PTPRN2: variants seen among roughly 807,000 people sequenced by gnomAD.
PTPRN2 encodes the protein protein tyrosine phosphatase receptor type N2.
Under a neutral mutation model 118.8 loss-of-function variants are expected in PTPRN2, and 74 were observed. The ratio of observed to expected loss-of-function variants is 0.62; its 90% CI spans 0.52 to 0.76. The LOEUF is 0.76. PTPRN2 is among the 30% of genes least tolerant of loss of function. The pLI, the probability that PTPRN2 is intolerant of heterozygous loss-of-function variation, is 0.00. For missense variants in PTPRN2, 1,481 were observed against 1,394.4 expected (o/e 1.06, Z -0.99); for synonymous variants, 641 against 608.0 (o/e 1.05, Z -0.80).
intron 12 of PTPRN2, among the ~76,000 whole-genome samples, chr7:157,713,742 C>T (rs1472475519): frequency 6.6e-6 from 1 of 152,204 alleles, no homozygotes; most frequent in Non-Finnish European, 1.5e-5. Context: ...CTCAGACATT[C>T]CCGACAGCTG....
At chr7:158,216,087 C>T (rs1428629107) in intron 3 of PTPRN2, among the ~76,000 whole-genome samples, 2 of 151,970 alleles carry the variant, frequency 1.3e-5, no homozygotes, top group Non-Finnish European at 2.9e-5. Context: ...AAATGAGGGG[C>T]ATAAGTAAAA....
At chr7:158,482,835 A>G (rs1302788515) in intron 2 of PTPRN2, among the ~76,000 whole-genome samples, 2 of 152,180 alleles carry the variant, frequency 1.3e-5, no homozygotes, top group East Asian at 1.9e-4. Flanking sequence ...GTTTATATAG[A>G]CTGGATTCAG....
At chr7:158,336,173 C>T (rs1212297058) in intron 2 of PTPRN2, among the ~76,000 whole-genome samples, 2 of 35,248 alleles carry the variant, frequency 5.7e-5, no homozygotes, top group Admixed American at 2.9e-4. Flanking sequence ...TAAGAGCTGT[C>T]GCCCGCAGAG....
chr7:158,314,441 C>T (rs537099215), intron 3 of PTPRN2, among the ~76,000 whole-genome samples: 1 of 152,264 alleles, frequency 6.6e-6, no homozygotes. Flanking sequence ...TTTGTCCCTG[C>T]GTGGGCAGCA....
chr7:157,703,470 C>A (rs983569021), intron 12 of PTPRN2, among the ~76,000 whole-genome samples: 4 of 152,178 alleles, frequency 2.6e-5, no homozygotes, highest in Non-Finnish European at 5.9e-5. Flanking sequence ...ACACCAGGAC[C>A]CCAGGCCCAC....
intron 5 of PTPRN2, among the ~76,000 whole-genome samples, chr7:158,174,774 G>A (rs888537593): frequency 6.6e-6 from 1 of 152,316 alleles, no homozygotes; most frequent in East Asian, 1.9e-4. Context: ...TTCAGCTGGA[G>A]GAAATCAGAG....
At chr7:157,949,640 C>T (rs548593055) in intron 11 of PTPRN2, among the ~76,000 whole-genome samples, 296 of 152,342 alleles carry the variant, frequency 1.9e-3, no homozygotes, top group African/African-American at 6.0e-3. Flanking sequence ...TAGCAGTATA[C>T]GAATGGACTA....
At position 157,723,756 on chromosome 7, in the gene PTPRN2, G is replaced by A. The variant is rs1018963701; in HGVS notation, c.1789-40819C>T. ...GGAGTCTGATGAAAGGCAAGCTCTGGAAGGAACACGGACCCTGAGCAAGTG... is the reference window on the plus strand; with the variant it reads ...GGAGTCTGATGAAAGGCAAGCTCTGAAAGGAACACGGACCCTGAGCAAGTG... On this transcript the variant is annotated intron_variant, in intron 12 of 22. Coordinates refer to ENST00000389418, the MANE Select transcript of PTPRN2 (RefSeq NM_002847.5). 3.3e-5 allele frequency among the ~76,000 whole-genome samples: 5 copies of A among 152,296 alleles called. No homozygotes were observed. In the East Asian group the frequency reaches 7.7e-4, roughly 24 times the overall value.
chr7:158,256,988 C>T (rs1200116740), intron 3 of PTPRN2, among the ~76,000 whole-genome samples: 1 of 152,072 alleles, frequency 6.6e-6, no homozygotes, highest in Non-Finnish European at 1.5e-5. Flanking sequence ...TCAGAAGATC[C>T]CCTGTAAATT....
At chr7:157,558,342 A>G (rs999424280) in intron 21 of PTPRN2, among the ~76,000 whole-genome samples, 3 of 152,150 alleles carry the variant, frequency 2.0e-5, no homozygotes, top group Non-Finnish European at 4.4e-5. Context: ...TACATCCTGG[A>G]GCATCCGTGT....
chr7:158,071,250 A>ATGGAGGTGCCCGTGGTGG (rs1479946864), intron 11 of PTPRN2, among the ~76,000 whole-genome samples: 4 of 20,104 alleles, frequency 2.0e-4, no homozygotes, highest in Admixed American at 1.7e-3. Flanking sequence ...TGCTCGTAGT[A>ATGGAGGTGCCCGTGGTGG]TGGAGGTGCC....
chr7:158,205,874 A>G (rs1827100329), intron 3 of PTPRN2, among the ~76,000 whole-genome samples: 1 of 152,164 alleles, frequency 6.6e-6, no homozygotes, highest in South Asian at 2.1e-4. Flanking sequence ...CCATGGAGGG[A>G]ATATTTAGAC....
At chr7:158,296,702 G>A (rs1041616111) in intron 3 of PTPRN2, among the ~76,000 whole-genome samples, 5 of 152,226 alleles carry the variant, frequency 3.3e-5, no homozygotes, top group African/African-American at 7.2e-5. Context: ...GTGGGGCACT[G>A]AAGAAGCAAC....
In PTPRN2 at chr7:158,003,777, C is replaced by T. The variant is rs1420904963; in HGVS notation, c.1723+77521G>A. 6.6e-6 allele frequency among the ~76,000 whole-genome samples: 1 copy of T among 152,140 alleles called. No individual in the cohort carries two copies. The highest frequency in any genetic ancestry group is 2.1e-4 in the South Asian group (1 of 4,822). ...TGGCGAGCTTCTCACATGGGCTTGG[C>T]GGCACCTCCCAACACGCCAAGGCCA... On this transcript the variant is annotated intron_variant, in intron 11 of 22. Coordinates refer to ENST00000389418, the MANE Select transcript of PTPRN2 (RefSeq NM_002847.5). The surrounding 1 kb of genome is among the most constrained non-coding windows in gnomAD (Gnocchi z 5.0).
rs949030208 is a variant in PTPRN2, at chr7:158,517,720, C to T, written c.113-27935G>A. Among the ~76,000 whole-genome samples the T allele has an allele frequency of 1.1e-4, 16 of 151,566 alleles. No individual in the cohort carries two copies. Among genetic ancestry groups the T allele is most frequent in the Admixed American group, 6.6e-4 (10 of 15,228 alleles). ...CACCATAGCCAGGCAGGCCTCCAGG[C>T]GCTTCCAGACTCATCCCCACCATAG... is the stretch of plus-strand genomic sequence containing the variant. On this transcript the variant is annotated intron_variant, in intron 1 of 22. Coordinates refer to ENST00000389418, the MANE Select transcript of PTPRN2 (RefSeq NM_002847.5). The surrounding 1 kb of genome is among the most constrained non-coding windows in gnomAD (Gnocchi z 5.3).
chr7:157,723,964 G>A (rs975398614), intron 12 of PTPRN2, among the ~76,000 whole-genome samples: 1 of 152,238 alleles, frequency 6.6e-6, no homozygotes, highest in Non-Finnish European at 1.5e-5. Flanking sequence ...CCTGAGACCT[G>A]TTGATTTATG....
chr7:158,023,251 C>T lies in PTPRN2; in HGVS notation c.1723+58047G>A, dbSNP rs890780877. Among the ~76,000 whole-genome samples the T allele has an allele frequency of 4.6e-5, 7 of 152,196 alleles. No homozygotes were observed. In the East Asian group the frequency reaches 7.7e-4, roughly 17 times the overall value. The stretch of plus-strand genomic sequence containing the variant: ...ATCTCGCTAAAGGAGGAGCTCACCA[C>T]GTAAGCGCTCCCAGGCCTGTGTCCT... On this transcript the variant is annotated intron_variant, in intron 11 of 22. Coordinates refer to ENST00000389418, the MANE Select transcript of PTPRN2 (RefSeq NM_002847.5).
chr7:158,363,470 T>C (rs1809173806), intron 2 of PTPRN2, among the ~76,000 whole-genome samples: 1 of 152,236 alleles, frequency 6.6e-6, no homozygotes, highest in East Asian at 1.9e-4. Context: ...ATTCATTCTC[T>C]GACCAGAGAG....
intron 11 of PTPRN2, among the ~76,000 whole-genome samples, chr7:157,984,256 C>T (rs1367262160): frequency 1.2e-4 from 7 of 60,642 alleles, no homozygotes; most frequent in Non-Finnish European, 2.1e-4. Context: ...CACCTCCCCA[C>T]GCCAGGCTCC....
Sources: allele counts gnomAD v4.1 joint callset (sites outside exome capture counted in the v4.1 genomes callset), GRCh38; gene constraint gnomAD v4.1.1; non-coding constraint Gnocchi (gnomAD v3.1); transcripts MANE v1.5; gene names NCBI Gene and HGNC (gene_info 2026-07-23, HGNC 2026-07-21).